The following KCND3 variants were observed in gnomAD, a reference collection of about 807,000 sequenced individuals.
KCND3 encodes the protein A-type voltage-gated potassium channel KCND3.
KCND3 carries 9 observed loss-of-function variants against 51.1 expected under a neutral mutation model. The observed-to-expected ratio is 0.18, with a 90% CI of 0.11 to 0.31. The LOEUF (loss-of-function observed/expected upper bound fraction) is 0.31. Ranked by LOEUF, KCND3 falls within the 10% of genes least tolerant of loss-of-function variation. The pLI is 1.00. For missense variants in KCND3, 526 were observed against 903.8 expected, an observed-to-expected ratio of 0.58 and a Z score of 5.36; for synonymous variants, 349 against 368.0, an observed-to-expected ratio of 0.95 and a Z score of 0.59.
At chr1:111,930,758 CCAG>C in intron 2 of KCND3, among the ~76,000 whole-genome samples, 1 of 152,276 alleles carries the variant, frequency 6.6e-6, no homozygotes, top group African/African-American at 2.4e-5. Flanking sequence ...AGTTTCTCCT[CCAG>C]CAACATGGGG....
chr1:111,789,923 G>A (rs1185319827), intron 2 of KCND3, among the ~76,000 whole-genome samples: 1 of 151,946 alleles, frequency 6.6e-6, no homozygotes, highest in Non-Finnish European at 1.5e-5. Flanking sequence ...TGGTTAGCAG[G>A]GTTTGCACAA....
At chr1:111,980,296 A>T (rs1170089530) in intron 2 of KCND3, among the ~76,000 whole-genome samples, 1 of 151,572 alleles carries the variant, frequency 6.6e-6, no homozygotes, top group East Asian at 1.9e-4. Flanking sequence ...AAGTAAAGGG[A>T]ATGCCCCAAT....
chr1:111,887,957 A>G (rs1669643543), intron 2 of KCND3, among the ~76,000 whole-genome samples: 1 of 152,246 alleles, frequency 6.6e-6, no homozygotes, highest in Admixed American at 6.5e-5. Flanking sequence ...AAAGGAGAAA[A>G]GTCCCAGGTC....
rs532031128 is a variant in KCND3, at chr1:111,893,171, T to G, written c.1106+88450A>C. On this transcript the variant is annotated intron_variant, in intron 2 of 7. Coordinates refer to ENST00000302127, the MANE Select transcript of KCND3 (RefSeq NM_001378969.1). ...GGGAGATAGACAGGTAAACAAACAA[T>G]TACAATAAACAGTGATGTAGCTGAT... is the stretch of plus-strand genomic sequence containing the variant. 2.0e-5 allele frequency among the ~76,000 whole-genome samples: 3 copies of G among 152,212 alleles called. No individual in the cohort carries two copies. The South Asian group carries it at 6.2e-4, about 32-fold the overall frequency.
intron 1 of KCND3, among the ~76,000 whole-genome samples, chr1:111,983,156 T>TA (rs1675067409): frequency 6.6e-6 from 1 of 152,194 alleles, no homozygotes; most frequent in African/African-American, 2.4e-5. Flanking sequence ...ATTACCAATT[T>TA]AAATTGGGAG....
At position 111,923,893 on chromosome 1, in the gene KCND3, A is replaced by C. The variant is rs563700700; in HGVS notation, c.1106+57728T>G. 6.6e-5 allele frequency among the ~76,000 whole-genome samples: 10 copies of C among 152,274 alleles called. No individual in the cohort carries two copies. The South Asian group carries it at 1.7e-3, about 25-fold the overall frequency. ...GTGGGGTGGGCAGAAATGCTGCTTC[A>C]AGCACCACCATGCAGAGGGGGCTGG... On this transcript the variant is annotated intron_variant, in intron 2 of 7. Coordinates refer to ENST00000302127, the MANE Select transcript of KCND3 (RefSeq NM_001378969.1).
chr1:111,877,356 C>T (rs1237496041), intron 2 of KCND3, among the ~76,000 whole-genome samples: 1 of 152,244 alleles, frequency 6.6e-6, no homozygotes, highest in African/African-American at 2.4e-5. Context: ...CACTGGTTTC[C>T]TCAGCACTTT....
chr1:111,962,170 T>A (rs1027220446), intron 2 of KCND3, among the ~76,000 whole-genome samples: 3 of 152,198 alleles, frequency 2.0e-5, no homozygotes, highest in Non-Finnish European at 4.4e-5. Context: ...ACAGCAATCC[T>A]CATTTGCCAG....
intron 2 of KCND3, among the ~76,000 whole-genome samples, chr1:111,831,433 C>T (rs1666828235): frequency 6.6e-6 from 1 of 152,138 alleles, no homozygotes; most frequent in Non-Finnish European, 1.5e-5. Context: ...CCTCCTGCTC[C>T]CACCATGTAA....
intron 2 of KCND3, among the ~76,000 whole-genome samples, chr1:111,850,962 G>A (rs1256172321): frequency 6.6e-6 from 1 of 152,206 alleles, no homozygotes; most frequent in Non-Finnish European, 1.5e-5. Context: ...TGGTCTCCTT[G>A]TGTATCTCTC....
chr1:111,841,561 A>C (rs1009025305), intron 2 of KCND3, among the ~76,000 whole-genome samples: 2 of 152,236 alleles, frequency 1.3e-5, no homozygotes, highest in African/African-American at 4.8e-5. Context: ...AGCAAGTTAA[A>C]TTCTCTGAGG....
At chr1:111,882,625 C>G (rs1669385033) in intron 2 of KCND3, among the ~76,000 whole-genome samples, 1 of 152,098 alleles carries the variant, frequency 6.6e-6, no homozygotes, top group African/African-American at 2.4e-5. Flanking sequence ...GTGTGGCCGG[C>G]TCAGTGCAGG....
intron 2 of KCND3, among the ~76,000 whole-genome samples, chr1:111,896,068 C>T (rs1670095449): frequency 6.6e-6 from 1 of 152,234 alleles, no homozygotes; most frequent in African/African-American, 2.4e-5. Flanking sequence ...ATGCTCCACG[C>T]GCGTTCATTC....
At chr1:111,868,042 GAGTGC>G (rs1668656164) in intron 2 of KCND3, among the ~76,000 whole-genome samples, 4 of 152,254 alleles carry the variant, frequency 2.6e-5, no homozygotes, top group Admixed American at 6.5e-5. Context: ...GCACTTAGCA[GAGTGC>G]CTGGCAAACT....
At chr1:111,815,350 G>C (rs1422993086) in intron 2 of KCND3, among the ~76,000 whole-genome samples, 1 of 151,724 alleles carries the variant, frequency 6.6e-6, no homozygotes, top group African/African-American at 2.4e-5. Flanking sequence ...ATGTGACAGA[G>C]TCTCTCCTTG....
chr1:111,946,378 C>T (rs986155469), intron 2 of KCND3, among the ~76,000 whole-genome samples: 5 of 152,218 alleles, frequency 3.3e-5, no homozygotes, highest in African/African-American at 9.6e-5. Flanking sequence ...CACTGTTTCT[C>T]GTAGACCATG....
At chr1:111,896,283 G>T (rs192896740) in intron 2 of KCND3, among the ~76,000 whole-genome samples, 2 of 152,216 alleles carry the variant, frequency 1.3e-5, no homozygotes, top group African/African-American at 4.8e-5. Context: ...CTGAGTTGGA[G>T]GTGGTGAGAA....
chr1:111,985,423 G>T (rs1675220335), intron 1 of KCND3, among the ~76,000 whole-genome samples: 1 of 152,212 alleles, frequency 6.6e-6, no homozygotes, highest in African/African-American at 2.4e-5. Flanking sequence ...AGTACAGCCA[G>T]ACCACTTCCC....
intron 2 of KCND3, among the ~76,000 whole-genome samples, chr1:111,810,410 C>G (rs1447742787): frequency 6.6e-6 from 1 of 152,158 alleles, no homozygotes; most frequent in Non-Finnish European, 1.5e-5. Flanking sequence ...AGGAAGAAGC[C>G]CCATTCTGGT....
Sources: allele counts gnomAD v4.1 joint callset (sites outside exome capture counted in the v4.1 genomes callset), GRCh38; gene constraint gnomAD v4.1.1; transcripts MANE v1.5; gene names NCBI Gene and HGNC (gene_info 2026-07-23, HGNC 2026-07-21).